FHIT: variants seen among roughly 807,000 people sequenced by gnomAD.
FHIT encodes fragile histidine triad diadenosine triphosphatase, also known as bis(5'-adenosyl)-triphosphatase.
FHIT carries 19 observed loss-of-function variants against 17.9 expected under a neutral mutation model. The observed-to-expected ratio is 1.06, with a 90% CI of 0.74 to 1.56. FHIT has a LOEUF of 1.56. FHIT is among the 40% of genes most tolerant of loss of function. The probability of loss-of-function intolerance (pLI) is 0.00; values close to 1 mark genes in which losing one functional copy is unlikely to be tolerated. For synonymous variants in FHIT, 81 were observed against 69.7 expected, an observed-to-expected ratio of 1.16 and a Z score of -0.81; for missense variants, 248 against 189.2, an observed-to-expected ratio of 1.31 and a Z score of -1.82.
intron 3 of FHIT, among the ~76,000 whole-genome samples, chr3:60,974,822 C>G (rs1483803202): frequency 2.0e-5 from 3 of 152,078 alleles, no homozygotes; most frequent in African/African-American, 7.2e-5. Flanking sequence ...AGACATGAGG[C>G]CTGAAATTTA....
At chr3:59,859,597 T>C (rs937273149) in intron 8 of FHIT, among the ~76,000 whole-genome samples, 1 of 152,142 alleles carries the variant, frequency 6.6e-6, no homozygotes, top group Non-Finnish European at 1.5e-5. Context: ...TGTGTGCCTG[T>C]AATCCCAGCT....
chr3:60,919,967 G>T (rs988123573), intron 3 of FHIT, among the ~76,000 whole-genome samples: 1 of 151,858 alleles, frequency 6.6e-6, no homozygotes, highest in Non-Finnish European at 1.5e-5. Flanking sequence ...CAGGGAGACA[G>T]AGGTTGCAGT....
chr3:60,547,481 G>A (rs746767106), intron 4 of FHIT, among the ~76,000 whole-genome samples: 36 of 152,108 alleles, frequency 2.4e-4, no homozygotes, highest in Admixed American at 1.3e-4. Context: ...ATTTCTAGCC[G>A]ATTACTTTCT....
chr3:60,858,894 A>C (rs1553750664), intron 3 of FHIT, among the ~76,000 whole-genome samples: 1 of 152,166 alleles, frequency 6.6e-6, no homozygotes, highest in African/African-American at 2.4e-5. Flanking sequence ...TGCAATGCCT[A>C]AGTGCAACAG....
Position 59,951,952 on chromosome 3 carries a change from ATC to A in FHIT, c.280-29540_280-29539del, listed in dbSNP as rs150701197. Among the ~76,000 whole-genome samples, 1,344 of 152,096 alleles carry A rather than the reference ATC, an allele frequency of 8.8e-3. 21 individuals carry two copies. Among genetic ancestry groups the A allele is most frequent in the African/African-American group, 0.031 (1,266 of 41,476 alleles). On this transcript the variant is annotated intron_variant, in intron 7 of 9. Coordinates refer to ENST00000492590, the MANE Select transcript of FHIT (RefSeq NM_002012.4). ...TCAACCAGTGCCACTGAGCATGCCA[ATC>A]TCTTTTTGTCATGTTGACATCATGT... is the stretch of plus-strand genomic sequence containing the variant.
intron 4 of FHIT, among the ~76,000 whole-genome samples, chr3:60,716,127 C>G (rs1553706720): frequency 1.3e-5 from 2 of 152,004 alleles, no homozygotes; most frequent in Non-Finnish European, 2.9e-5. Context: ...GCCTGTAATC[C>G]CAGCTACTCG....
rs557584234 is a variant in FHIT at position 60,258,291 on chromosome 3, G to C, written c.104-244139C>G. 2.0e-5 allele frequency among the ~76,000 whole-genome samples: 3 copies of C among 152,180 alleles called. No individual in the cohort carries two copies. The South Asian group carries it at 6.2e-4, about 32-fold the overall frequency. ...TGAGCCCTGTGCTCCCAGAAAACCA[G>C]AATTAAGAAATCTTCAATCCTTTCT... On this transcript the variant is annotated intron_variant, in intron 5 of 9. Transcript: ENST00000492590.
At chr3:60,465,492 G>A (rs1417277348) in intron 5 of FHIT, among the ~76,000 whole-genome samples, 1 of 151,994 alleles carries the variant, frequency 6.6e-6, no homozygotes, top group African/African-American at 2.4e-5. Flanking sequence ...AGTTCCCCCA[G>A]TGTCTTCTTG....
chr3:60,265,421 C>T (rs1463116975), intron 5 of FHIT, among the ~76,000 whole-genome samples: 1 of 151,754 alleles, frequency 6.6e-6, no homozygotes, highest in Non-Finnish European at 1.5e-5. Context: ...AAAATTAACT[C>T]GAAATAGATC....
At chr3:60,425,635 T>A (rs1463004182) in intron 5 of FHIT, among the ~76,000 whole-genome samples, 1 of 152,146 alleles carries the variant, frequency 6.6e-6, no homozygotes, top group Non-Finnish European at 1.5e-5. Flanking sequence ...CTATGATGTA[T>A]TCATCCACTT....
At chr3:60,167,862 C>T (rs1701246355) in intron 5 of FHIT, among the ~76,000 whole-genome samples, 1 of 152,048 alleles carries the variant, frequency 6.6e-6, no homozygotes, top group African/African-American at 2.4e-5. Flanking sequence ...GAGACCTCAC[C>T]TCTACAGACA....
chr3:61,172,224 C>T (rs959542158), intron 2 of FHIT, among the ~76,000 whole-genome samples: 1 of 152,082 alleles, frequency 6.6e-6, no homozygotes, highest in Admixed American at 6.5e-5. Context: ...TAAACCATGA[C>T]ACAACTATGC....
intron 1 of FHIT, among the ~76,000 whole-genome samples, chr3:61,233,782 C>T (rs1001172079): frequency 5.9e-5 from 9 of 152,104 alleles, no homozygotes; most frequent in African/African-American, 2.2e-4. Context: ...GTCCTCTCAC[C>T]CCCTCCTGAC....
intron 1 of FHIT, among the ~76,000 whole-genome samples, chr3:61,202,790 G>T (rs185260269): frequency 1.3e-5 from 2 of 152,072 alleles, no homozygotes; most frequent in African/African-American, 4.8e-5. Context: ...TGTGTCTCAC[G>T]CCTGTAATCC....
At chr3:60,105,997 A>T (rs537513693) in intron 5 of FHIT, among the ~76,000 whole-genome samples, 4 of 152,168 alleles carry the variant, frequency 2.6e-5, no homozygotes, top group Middle Eastern at 3.2e-3. Flanking sequence ...AACAATTCAT[A>T]AGTTTTCAAC....
At chr3:60,247,300 G>A (rs1705448619) in intron 5 of FHIT, among the ~76,000 whole-genome samples, 1 of 152,024 alleles carries the variant, frequency 6.6e-6, no homozygotes, top group Non-Finnish European at 1.5e-5. Flanking sequence ...GAGGCAGGAG[G>A]ATCACTTGTG....
intron 5 of FHIT, among the ~76,000 whole-genome samples, chr3:60,169,085 A>C (rs1026073886): frequency 6.6e-6 from 1 of 152,204 alleles, no homozygotes; most frequent in African/African-American, 2.4e-5. Context: ...CAACCAAATA[A>C]GAAAGTAAGT....
At chr3:60,031,967 T>A (rs115983861) in intron 5 of FHIT, among the ~76,000 whole-genome samples, 2,778 of 152,308 alleles carry the variant, frequency 0.018, 80 homozygotes, top group African/African-American at 0.063. Flanking sequence ...TTAAAAAATA[T>A]GTAAAGTAAT....
chr3:61,062,480 C>G (rs2034462194), intron 2 of FHIT, among the ~76,000 whole-genome samples: 1 of 152,094 alleles, frequency 6.6e-6, no homozygotes, highest in Non-Finnish European at 1.5e-5. Flanking sequence ...TCTTATATCT[C>G]TAGATTGAGT....
Sources: gnomAD v4.1 joint callset for allele counts (sites outside exome capture counted in the v4.1 genomes callset) on GRCh38, gnomAD v4.1.1 for gene constraint, MANE v1.5 for transcripts, NCBI Gene and HGNC (gene_info 2026-07-23, HGNC 2026-07-21) for gene names.